MYLK: variants seen among roughly 807,000 people sequenced by gnomAD.
MYLK encodes myosin light chain kinase.
Under a neutral mutation model 203.4 loss-of-function variants are expected in MYLK, and 106 were observed. The observed-to-expected ratio is 0.52, with a 90% CI of 0.45 to 0.61. The LOEUF (loss-of-function observed/expected upper bound fraction) is 0.61, where lower values mean the gene tolerates loss of function less well. MYLK is among the 20% of genes least tolerant of loss of function. MYLK has a pLI of 0.00. For synonymous variants in MYLK, 867 were observed against 959.5 expected, an observed-to-expected ratio of 0.90 and a Z score of 1.78; for missense variants, 2,072 against 2,442.3, an observed-to-expected ratio of 0.85 and a Z score of 3.20.
At chr3:123,818,993 AAAC>A (rs1235850476) in intron 3 of MYLK, among the ~76,000 whole-genome samples, 6 of 152,144 alleles carry the variant, frequency 3.9e-5, no homozygotes, top group Non-Finnish European at 1.5e-5. Flanking sequence ...CTTACCGATA[AAAC>A]AACAACAGTA....
At chr3:123,710,133 T>C (rs747018882) in intron 13 of MYLK, among the ~76,000 whole-genome samples, 1 of 152,168 alleles carries the variant, frequency 6.6e-6, no homozygotes, top group Non-Finnish European at 1.5e-5. Flanking sequence ...TGAGTTCTTA[T>C]AAGTTTGTGA....
At chr3:123,695,110 T>A (rs1448784039) in intron 18 of MYLK, among the ~76,000 whole-genome samples, 1 of 152,110 alleles carries the variant, frequency 6.6e-6, no homozygotes, top group South Asian at 2.1e-4. Context: ...AGGAAGGGGA[T>A]GTGGATGGAG....
chr3:123,766,177 T>C (rs972647155), intron 4 of MYLK, among the ~76,000 whole-genome samples: 19 of 152,254 alleles, frequency 1.2e-4, no homozygotes, highest in Non-Finnish European at 1.9e-4. Context: ...TTTATCCCTT[T>C]GCCAAATGTT....
intron 13 of MYLK, among the ~76,000 whole-genome samples, chr3:123,712,403 T>C (rs2061732199): frequency 6.6e-6 from 1 of 152,188 alleles, no homozygotes; most frequent in South Asian, 2.1e-4. Flanking sequence ...TCCCCAGCCT[T>C]ACAGAGCTTC....
chr3:123,864,007 T>A (rs2032132317), intron 2 of MYLK, among the ~76,000 whole-genome samples: 1 of 152,190 alleles, frequency 6.6e-6, no homozygotes, highest in African/African-American at 2.4e-5. Context: ...AACAAAATAC[T>A]CTTTAGCAAT....
chr3:123,627,961 C>A (rs903882340), intron 30 of MYLK, among the ~76,000 whole-genome samples: 2 of 152,176 alleles, frequency 1.3e-5, no homozygotes, highest in Non-Finnish European at 2.9e-5. Flanking sequence ...ACCTTGTTTA[C>A]CAAATCTTCA....
At chr3:123,639,316 G>A (rs1220230490) in intron 28 of MYLK, among the ~76,000 whole-genome samples, 1 of 152,110 alleles carries the variant, frequency 6.6e-6, no homozygotes, top group Non-Finnish European at 1.5e-5. Context: ...ATAGTCTATC[G>A]GAACCTCGCC....
rs114554646 is a variant in MYLK at position 123,712,079 on chromosome 3, C to T, written c.1805-2186G>A. ...AGCCTGAGTGTGAGAGCAGGTAACC[C>T]CCCACGGTCCCCTTGGAAGATGGGG... On this transcript the variant is annotated intron_variant, in intron 13 of 33. Transcript: ENST00000360304. Among the ~76,000 whole-genome samples the T allele has an allele frequency of 8.3e-3, 1,259 of 152,294 alleles. 25 individuals carry two copies. The highest frequency in any genetic ancestry group is 0.029 in the African/African-American group (1,188 of 41,558).
intron 23 of MYLK, among the ~76,000 whole-genome samples, chr3:123,661,030 G>A (rs960961345): frequency 5.9e-5 from 9 of 152,262 alleles, no homozygotes; most frequent in Admixed American, 5.2e-4. Context: ...AGAAAGCCTC[G>A]GTTCTCCTCC....
chr3:123,737,271 TG>T, intron 8 of MYLK, 106 bp downstream of exon 8: 1 of 1,398,490 alleles, frequency 7.2e-7, no homozygotes, highest in Non-Finnish European at 1.0e-6. Flanking sequence ...GGTGTGTGAG[TG>T]GGCCAGGTGT....
chr3:123,878,037 T>C (rs536334626), intron 1 of MYLK, among the ~76,000 whole-genome samples: 9 of 152,178 alleles, frequency 5.9e-5, no homozygotes, highest in Non-Finnish European at 1.0e-4. Context: ...GAATCTTCTC[T>C]GAGCACCTCC....
At chr3:123,620,475 C>G in intron 31 of MYLK, 139 bp from the exon 32 acceptor site, 1 of 1,572,984 alleles carries the variant, frequency 6.4e-7, no homozygotes, top group Non-Finnish European at 8.6e-7. Flanking sequence ...AGCCGAGGTT[C>G]TGCCAGAGGA....
At chr3:123,722,703 A>G (rs2062138095) in intron 12 of MYLK, among the ~76,000 whole-genome samples, 1 of 152,212 alleles carries the variant, frequency 6.6e-6, no homozygotes, top group African/African-American at 2.4e-5. Context: ...AGCCTCAGGC[A>G]AAACGGAGCT....
At chr3:123,652,337 A>G (rs1245847544) in intron 24 of MYLK, among the ~76,000 whole-genome samples, 2 of 152,032 alleles carry the variant, frequency 1.3e-5, no homozygotes, top group African/African-American at 4.8e-5. Context: ...GAGATCCATG[A>G]GCTAAGTGGA....
At chr3:123,796,189 A>G (rs2064979506) in intron 3 of MYLK, among the ~76,000 whole-genome samples, 1 of 152,220 alleles carries the variant, frequency 6.6e-6, no homozygotes, top group African/African-American at 2.4e-5. Context: ...TAAATAATAA[A>G]TATAAATAAT....
intron 1 of MYLK, among the ~76,000 whole-genome samples, chr3:123,877,244 G>A (rs2033208921): frequency 6.6e-6 from 1 of 152,142 alleles, no homozygotes; most frequent in African/African-American, 2.4e-5. Context: ...ATGAGACTGG[G>A]CTTGGAGGTC....
chr3:123,692,679 G>A, intron 19 of MYLK, 56 bp downstream of exon 19: 1 of 1,336,032 alleles, frequency 7.5e-7, no homozygotes, highest in Non-Finnish European at 1.1e-6. Flanking sequence ...GGAAGGGAGG[G>A]GCTGAGAAAT....
Position 123,612,564 on chromosome 3 carries a change from CTG to C in MYLK, c.*1539_*1540del, listed in dbSNP as rs1312119092. ...AATAAAAACCCTTTATTATAATAAACTGTGGCAATACTGTGGCTATCATGAAA... is the reference window on the plus strand; with the variant it reads ...AATAAAAACCCTTTATTATAATAAACTGGCAATACTGTGGCTATCATGAAA... On this transcript the variant is annotated 3_prime_UTR_variant, in exon 34 of 34. Coordinates refer to ENST00000360304, the MANE Select transcript of MYLK (RefSeq NM_053025.4). 2 of 152,580 alleles carry C rather than the reference CTG, an allele frequency of 1.3e-5. No homozygotes were observed. Among genetic ancestry groups the C allele is most frequent in the East Asian group, 1.9e-4 (1 of 5,200 alleles). 9.5% of individuals were successfully genotyped at this position (152,580 alleles called of 1,614,324 possible).
At position 123,808,597 on chromosome 3, in the gene MYLK, T is replaced by C. The variant is rs1366329757; in HGVS notation, c.-3-14753A>G. On this transcript the variant is annotated intron_variant, in intron 3 of 33. Transcript: ENST00000360304. ...ACACCCCAAGCCCCTAACCCTAGAA[T>C]ACATGCTCTTTCTCTACTGTCCTCA... 2.0e-5 allele frequency among the ~76,000 whole-genome samples: 3 copies of C among 152,178 alleles called. No homozygotes were observed. In the South Asian group the frequency reaches 6.2e-4, roughly 32 times the overall value.
Sources: allele counts gnomAD v4.1 joint callset (sites outside exome capture counted in the v4.1 genomes callset), GRCh38; gene constraint gnomAD v4.1.1; transcripts MANE v1.5; gene names NCBI Gene and HGNC (gene_info 2026-07-23, HGNC 2026-07-21).